The following MCU variants were observed in gnomAD, a reference collection of about 807,000 sequenced individuals.
MCU encodes the protein mitochondrial calcium uniporter, also known as calcium uniporter protein, mitochondrial.
Under a neutral mutation model 45.2 loss-of-function variants are expected in MCU, and 12 were observed. The ratio of observed to expected loss-of-function variants is 0.27; its 90% CI spans 0.17 to 0.43. The LOEUF is 0.43. Ranked by LOEUF, MCU falls within the 20% of genes least tolerant of loss-of-function variation. The pLI is 1.00. For missense variants in MCU, 324 were observed against 436.7 expected (o/e 0.74, Z 2.30); for synonymous variants, 160 against 165.1 (o/e 0.97, Z 0.24).
intron 1 of MCU, among the ~76,000 whole-genome samples, chr10:72,754,587 G>T (rs1407908636): frequency 6.6e-6 from 1 of 152,074 alleles, no homozygotes; most frequent in Non-Finnish European, 1.5e-5. Flanking sequence ...TCTTTACAAA[G>T]AATTAAAAAA....
intron 1 of MCU, among the ~76,000 whole-genome samples, chr10:72,816,181 T>G (rs977097294): frequency 6.6e-6 from 1 of 151,976 alleles, no homozygotes; most frequent in Admixed American, 6.6e-5. Flanking sequence ...AAAAAAATAA[T>G]AATAAACTCT....
At chr10:72,804,053 TATATATATATATATATATATAA>T (rs1165735745) in intron 1 of MCU, among the ~76,000 whole-genome samples, 8 of 74,378 alleles carry the variant, frequency 1.1e-4, no homozygotes, top group African/African-American at 6.4e-4. Context: ...TATATATATA[TATATATATATATATATATATAA>T]AATAAGAGTG....
At chr10:72,710,888 A>G (rs1293076746) in intron 1 of MCU, among the ~76,000 whole-genome samples, 1 of 152,112 alleles carries the variant, frequency 6.6e-6, no homozygotes, top group Non-Finnish European at 1.5e-5. Flanking sequence ...TTTAAAAGGT[A>G]TTAAACTGGC....
intron 1 of MCU, among the ~76,000 whole-genome samples, chr10:72,756,111 A>G (rs1020344712): frequency 1.3e-5 from 2 of 152,026 alleles, no homozygotes; most frequent in Admixed American, 6.6e-5. Context: ...CTCAGCTTCC[A>G]AAGTGCTGGG....
At chr10:72,727,713 T>C (rs1396874808) in intron 1 of MCU, among the ~76,000 whole-genome samples, 3 of 152,158 alleles carry the variant, frequency 2.0e-5, no homozygotes, top group Non-Finnish European at 4.4e-5. Flanking sequence ...ATGCTACATA[T>C]TGGGTTTATA....
rs551657570 is a variant in MCU, at chr10:72,824,162, G to A, written c.151-10197G>A. 7.2e-5 allele frequency among the ~76,000 whole-genome samples: 11 copies of A among 151,862 alleles called. 1 individual carries two copies. In the South Asian group the frequency reaches 2.3e-3, roughly 32 times the overall value. The stretch of plus-strand genomic sequence containing the variant: ...CTGGATACAATCTGGAAGGAATGAA[G>A]GAATCTTACTAGTCAGCTGTTACAT... On this transcript the variant is annotated intron_variant, in intron 1 of 7. Transcript: ENST00000373053.
At chr10:72,758,728 C>G (rs549371550) in intron 1 of MCU, among the ~76,000 whole-genome samples, 26 of 152,192 alleles carry the variant, frequency 1.7e-4, no homozygotes, top group South Asian at 1.2e-3. Flanking sequence ...ATCACAGAAT[C>G]ATAAAGGTAA....
intron 1 of MCU, among the ~76,000 whole-genome samples, chr10:72,727,918 T>A (rs534988616): frequency 6.6e-6 from 1 of 151,514 alleles, no homozygotes; most frequent in African/African-American, 2.4e-5. Flanking sequence ...TTTTTTTTTT[T>A]AAGGATATTA....
chr10:72,716,235 C>T (rs976484433), intron 1 of MCU, among the ~76,000 whole-genome samples: 3 of 152,196 alleles, frequency 2.0e-5, no homozygotes, highest in African/African-American at 4.8e-5. Flanking sequence ...AGTTTGCCAA[C>T]TCCTACTATA....
At chr10:72,704,704 ATTTTT>A (rs1162093579) in intron 1 of MCU, among the ~76,000 whole-genome samples, 4 of 106,738 alleles carry the variant, frequency 3.7e-5, no homozygotes, top group Admixed American at 1.0e-4. Flanking sequence ...TGCCTGGATA[ATTTTT>A]TTTTTTTTTT....
chr10:72,692,896 T>C, intron 1 of MCU: 1 of 1,484,294 alleles, frequency 6.7e-7, no homozygotes, highest in Non-Finnish European at 8.9e-7. Flanking sequence ...TGTGTGTGCA[T>C]GGGGAACCGG....
At chr10:72,793,415 C>T (rs184823923) in intron 1 of MCU, among the ~76,000 whole-genome samples, 27 of 152,222 alleles carry the variant, frequency 1.8e-4, no homozygotes, top group African/African-American at 6.3e-4. Flanking sequence ...ACTGAATAGG[C>T]AAACAGTCCT....
At chr10:72,797,015 G>A (rs1844258818) in intron 1 of MCU, among the ~76,000 whole-genome samples, 2 of 152,032 alleles carry the variant, frequency 1.3e-5, no homozygotes, top group Admixed American at 6.5e-5. Flanking sequence ...AATGTTGCAT[G>A]GACATTTGAT....
At chr10:72,813,561 C>G (rs564101136) in intron 1 of MCU, among the ~76,000 whole-genome samples, 1 of 143,822 alleles carries the variant, frequency 7.0e-6, no homozygotes, top group Non-Finnish European at 1.5e-5. Context: ...TGGGATCAAG[C>G]GATTCTCCTG....
intron 1 of MCU, among the ~76,000 whole-genome samples, chr10:72,714,187 G>A (rs1040807019): frequency 4.0e-5 from 6 of 151,436 alleles, no homozygotes; most frequent in Non-Finnish European, 7.4e-5. Flanking sequence ...GGCTGGTCTC[G>A]AACTCCTGAC....
chr10:72,885,937 T>C lies in MCU; in HGVS notation c.*115T>C. 1 of 721,002 alleles carries C rather than the reference T, an allele frequency of 1.4e-6. No individual in the cohort carries two copies. Among genetic ancestry groups the C allele is most frequent in the Non-Finnish European group, 2.4e-6 (1 of 423,866 alleles). 44.7% of individuals were successfully genotyped at this position (721,002 alleles called of 1,614,324 possible). On this transcript the variant is annotated 3_prime_UTR_variant, in exon 8 of 8. Coordinates refer to ENST00000373053, the MANE Select transcript of MCU (RefSeq NM_138357.3). ...GGGGTAGAGCGTTTTTACCTTTAAT[T>C]ATAAAACAAAAACAGAAAGGATCTG...
chr10:72,816,361 A>G (rs1176901815), intron 1 of MCU, among the ~76,000 whole-genome samples: 3 of 152,242 alleles, frequency 2.0e-5, no homozygotes, highest in African/African-American at 4.8e-5. Flanking sequence ...CAGTTGTACA[A>G]TAGAAGTTTT....
intron 1 of MCU, among the ~76,000 whole-genome samples, chr10:72,729,079 C>G (rs969432456): frequency 1.3e-5 from 2 of 152,178 alleles, no homozygotes; most frequent in Non-Finnish European, 2.9e-5. Flanking sequence ...TGCTAGCTTT[C>G]AGGACTGCTT....
chr10:72,834,554 G>T (rs1844928547), intron 2 of MCU, 126 bp downstream of exon 2: 1 of 648,162 alleles, frequency 1.5e-6, no homozygotes, highest in East Asian at 2.8e-5. Context: ...AGGGGTCAGA[G>T]AGAGAAAGGA....
Sources: gnomAD v4.1 joint callset for allele counts (sites outside exome capture counted in the v4.1 genomes callset) on GRCh38, gnomAD v4.1.1 for gene constraint, MANE v1.5 for transcripts, NCBI Gene and HGNC (gene_info 2026-07-23, HGNC 2026-07-21) for gene names.